The following SLC26A1 variants were observed in gnomAD, a reference collection of about 807,000 sequenced individuals.
SLC26A1 encodes the protein solute carrier family 26 member 1, also known as sulfate anion transporter 1.
A neutral mutation model predicts 14.5 loss-of-function variants in SLC26A1; 18 were observed. That is an observed-to-expected ratio of 1.24 (90% CI 0.86 to 1.84). SLC26A1 has a LOEUF of 1.84. SLC26A1 is among the 40% of genes most tolerant of loss of function. The pLI is 0.00. For missense variants in SLC26A1, 1,049 were observed against 1,020.0 expected, an observed-to-expected ratio of 1.03 and a Z score of -0.39; for synonymous variants, 505 against 492.0, an observed-to-expected ratio of 1.03 and a Z score of -0.35.
chr4:985,382 C>T (rs889643475), downstream of SLC26A1, among the ~76,000 whole-genome samples: 3 of 96,938 alleles, frequency 3.1e-5, no homozygotes, highest in Admixed American at 2.3e-4. Context: ...GTGCCCTGGA[C>T]GGTTCCGTTC....
rs1713883336 is a variant in SLC26A1, at chr4:988,036, C to A, written c.*797G>T. On this transcript the variant is annotated 3_prime_UTR_variant, in exon 3 of 3. Transcript: ENST00000398516. ...AGGGCTGGGGGCTGCTCGGAAGACC[C>A]CTTGTTCCCCCACCTCCCGCCGAAG... 2 of 1,486,982 alleles carry A rather than the reference C, an allele frequency of 1.3e-6. No individual in the cohort carries two copies. Among genetic ancestry groups the A allele is most frequent in the Non-Finnish European group, 1.8e-6 (2 of 1,114,478 alleles). 92.1% of individuals were successfully genotyped at this position (1,486,982 alleles called of 1,614,324 possible).
downstream of SLC26A1, among the ~76,000 whole-genome samples, chr4:986,054 G>C (rs1452201073): frequency 6.6e-6 from 1 of 152,014 alleles, no homozygotes; most frequent in African/African-American, 2.4e-5. Context: ...GGGTAGCTGG[G>C]CCTCACAGGC....
downstream of SLC26A1, chr4:987,517 G>A: frequency 6.7e-6 from 6 of 901,604 alleles, no homozygotes; most frequent in South Asian, 1.1e-4. Flanking sequence ...CGGCCCTGCA[G>A]CGGGACCTGG....
In SLC26A1 at chr4:991,578, A is replaced by G; in HGVS notation, c.126T>C (p.Ser42=). ...GCACCAGCGCCCGGACGCACAGCAC[A>G]CTGCACGAGCAGCTGCACCACAGCC... ...KARLWCSCSC[S]VLCVRALVQD... The change falls in exon 2 of 3, where the codon AGT becomes AGC. Residue 42 remains serine (S), a synonymous_variant. Transcript: ENST00000398516. The G allele has an allele frequency of 1.2e-6, 2 of 1,600,884 alleles. No individual in the cohort carries two copies. The highest frequency in any genetic ancestry group is 1.3e-5 in the African/African-American group (1 of 74,974).
chr4:986,163 C>T (rs548128480), downstream of SLC26A1, among the ~76,000 whole-genome samples: 5 of 152,124 alleles, frequency 3.3e-5, no homozygotes, highest in East Asian at 1.9e-4. Flanking sequence ...GTGATCCTCC[C>T]GTGTTGGCCT....
intron 2 of SLC26A1, chr4:990,673 G>T: frequency 2.2e-6 from 1 of 453,536 alleles, no homozygotes; most frequent in African/African-American, 2.0e-5. Flanking sequence ...GTATCAGAAG[G>T]CAACCCCTTC....
chr4:983,633 C>T (rs1163366852), downstream of SLC26A1, among the ~76,000 whole-genome samples: 1 of 152,204 alleles, frequency 6.6e-6, no homozygotes. Flanking sequence ...GTTTCCCCTG[C>T]GCCTTTAGGT....
At chr4:979,608 C>A in intron 2 of SLC26A1, 1 of 1,417,312 alleles carries the variant, frequency 7.1e-7, no homozygotes, top group Non-Finnish European at 9.7e-7. Context: ...CACTGCCTCT[C>A]CAGTGCCAGC....
In SLC26A1 at chr4:989,670, C is replaced by G. The variant is rs538575250; in HGVS notation, c.1269G>C (p.Val423=). Residue 423 remains valine (V), a synonymous_variant, in exon 3 of 3, where the codon GTG becomes GTC. Coordinates refer to ENST00000398516, the MANE Select transcript of SLC26A1 (RefSeq NM_022042.4). ...GTGCCAGCGCCAGCAGCACCAGCAG[C>G]ACCACGGTGGCGCTGACCACGCTGG... ...QLSSVVSATV[V]LLVLLALAPL... 40 of 1,574,942 alleles carry G rather than the reference C, an allele frequency of 2.5e-5. No individual in the cohort carries two copies. In the South Asian group the frequency reaches 4.2e-4, roughly 16 times the overall value.
chr4:987,171 G>C, downstream of SLC26A1: 1 of 1,450,888 alleles, frequency 6.9e-7, no homozygotes, highest in African/African-American at 1.5e-5. Context: ...CCGAGGCCCC[G>C]CACCTGGTGC....
intron 2 of SLC26A1, among the ~76,000 whole-genome samples, chr4:982,368 G>A (rs896056141): frequency 1.3e-5 from 2 of 152,188 alleles, no homozygotes; most frequent in African/African-American, 2.4e-5. Context: ...GTGGCTTGCC[G>A]GATGCCAAGT....
At position 989,326 on chromosome 4, in the gene SLC26A1, C is replaced by G; in HGVS notation, c.1613G>C (p.Arg538Pro). ...FEGLVPEPGV[R>P]VFRFGGPLYY... The stretch of plus-strand genomic sequence containing the variant: ...CAGCGGCCCCCCAAAGCGGAACACC[C>G]GCACGCCGGGCTCAGGGACGAGGCC... Residue 538 changes from arginine (R) to proline (P), a missense_variant, in exon 3 of 3, where the codon CGG becomes CCG. By Grantham distance (103) the Arg-to-Pro change is moderately radical. Coordinates refer to ENST00000398516, the MANE Select transcript of SLC26A1 (RefSeq NM_022042.4). 2 of 1,608,798 alleles carry G rather than the reference C, an allele frequency of 1.2e-6. No individual in the cohort carries two copies. Among genetic ancestry groups the G allele is most frequent in the African/African-American group, 1.3e-5 (1 of 74,956 alleles).
chr4:980,161 G>T (rs190943018), intron 2 of SLC26A1, among the ~76,000 whole-genome samples: 3 of 152,184 alleles, frequency 2.0e-5, no homozygotes, highest in Non-Finnish European at 4.4e-5. Flanking sequence ...GCCCCTGGTC[G>T]GCCAGGACCT....
chr4:991,299 C>T lies in SLC26A1; in HGVS notation c.405G>A (p.Gln135=). The change falls in exon 2 of 3, where the codon CAG becomes CAA. Residue 135 remains glutamine, a synonymous_variant. Transcript: ENST00000398516. The part of the protein sequence containing the change: ...IFSLLCLMVG[Q]VVDRELQLAG... The stretch of plus-strand genomic sequence containing the variant: ...CCAGCTGGAGCTCCCGGTCCACCAC[C>T]TGCCCCACCATGAGGCAAAGCAGGC... 6.2e-7 allele frequency: 1 copy of T among 1,612,802 alleles called. No homozygotes were observed. The highest frequency in any genetic ancestry group is 8.5e-7 in the Non-Finnish European group (1 of 1,179,912).
In SLC26A1 at chr4:989,154, C is replaced by A. The variant is rs148200047; in HGVS notation, c.1785G>T (p.Pro595=). ...GCACCAGCGCAGCCCTGGTGCTAAC[C>A]GGGCCCAGGTCCTCGCCCTGGGCAG... ...GGPAQGEDLG[P]VSTRAALVPA... Residue 595 remains proline, a synonymous_variant, in exon 3 of 3, where the codon CCG becomes CCT. Transcript: ENST00000398516. 3.1e-6 allele frequency: 5 copies of A among 1,607,654 alleles called. No homozygotes were observed. The highest frequency in any genetic ancestry group is 3.4e-6 in the Non-Finnish European group (4 of 1,176,724).
intron 1 of SLC26A1, 28 bp from the exon 2 acceptor site, chr4:991,758 A>T (rs1184662672): frequency 6.5e-7 from 1 of 1,530,510 alleles, no homozygotes; most frequent in African/African-American, 1.4e-5. Flanking sequence ...GCATGGTCAC[A>T]GGAGCCCCCG....
chr4:988,396 A>G lies in SLC26A1; in HGVS notation c.*437T>C. 1 of 1,055,932 alleles carries G rather than the reference A, an allele frequency of 9.5e-7. No homozygotes were observed. Among genetic ancestry groups the G allele is most frequent in the Non-Finnish European group, 1.1e-6 (1 of 875,330 alleles). 65.4% of individuals were successfully genotyped at this position (1,055,932 alleles called of 1,614,324 possible). ...TGTGGGGCCTTCTGGAAACACAGAG[A>G]CCCTCGTGCACTTGGCCAGAGCCGC... is the stretch of plus-strand genomic sequence containing the variant. On this transcript the variant is annotated 3_prime_UTR_variant, in exon 3 of 3. Transcript: ENST00000398516.
At chr4:979,313 C>T (rs1004429325) in exon 3 of SLC26A1, 97 of 783,868 alleles carry the variant, frequency 1.2e-4, no homozygotes, top group Non-Finnish European at 7.8e-5. Context: ...TCCAAGCCTC[C>T]CTCTGGAATA....
intron 2 of SLC26A1, chr4:990,822 G>T (rs542044103): frequency 1.2e-5 from 5 of 422,454 alleles, no homozygotes; most frequent in Non-Finnish European, 2.1e-5. Flanking sequence ...GAAGGCCTGG[G>T]AGGCCACATG....
Sources: gnomAD v4.1 joint callset for allele counts (sites outside exome capture counted in the v4.1 genomes callset) on GRCh38, gnomAD v4.1.1 for gene constraint, MANE v1.5 for transcripts, NCBI Gene and HGNC (gene_info 2026-07-23, HGNC 2026-07-21) for gene names.